The following DNAH14 variants were observed in gnomAD, a reference collection of about 807,000 sequenced individuals.
DNAH14 encodes the protein axonemal beta dynein heavy chain 14.
In DNAH14, 478 loss-of-function variants were observed where a neutral mutation model predicts 520.9. The observed-to-expected ratio is 0.92, with a 90% confidence interval of 0.85 to 0.99. The LOEUF (loss-of-function observed/expected upper bound fraction) is 0.99. Among genes scored for constraint, DNAH14 ranks in the 50% least tolerant of loss-of-function variants. The probability of loss-of-function intolerance (pLI) is 0.00; values close to 1 mark genes in which losing one functional copy is unlikely to be tolerated. For synonymous variants in DNAH14, 1,581 were observed against 1,757.2 expected, an observed-to-expected ratio of 0.90 and a Z score of 2.51; for missense variants, 4,831 against 5,234.5, an observed-to-expected ratio of 0.92 and a Z score of 2.38.
chr1:225,218,316 T>G (rs2089647163), intron 41 of DNAH14, among the ~76,000 whole-genome samples: 1 of 152,136 alleles, frequency 6.6e-6, no homozygotes, highest in African/African-American at 2.4e-5. Flanking sequence ...ATATTAACCT[T>G]AAATGTAAAT....
intron 41 of DNAH14, among the ~76,000 whole-genome samples, chr1:225,216,729 A>G (rs11585828): frequency 0.13 from 19,452 of 152,128 alleles, 1,404 homozygotes; most frequent in East Asian, 0.31. Flanking sequence ...TTCTTGTGCC[A>G]TGGTTTTCAG....
intron 49 of DNAH14, among the ~76,000 whole-genome samples, chr1:225,268,202 A>G (rs1574409198): frequency 6.6e-6 from 1 of 152,170 alleles, no homozygotes; most frequent in Non-Finnish European, 1.5e-5. Flanking sequence ...GTAATCCATC[A>G]TATAAACAGA....
intron 23 of DNAH14, among the ~76,000 whole-genome samples, chr1:225,116,539 T>C (rs2076885950): frequency 6.6e-6 from 1 of 152,146 alleles, no homozygotes; most frequent in Non-Finnish European, 1.5e-5. Flanking sequence ...CTACAGGACA[T>C]TCAAGTGAAC....
At chr1:224,997,132 C>G (rs746431306) in intron 8 of DNAH14, among the ~76,000 whole-genome samples, 1 of 152,102 alleles carries the variant, frequency 6.6e-6, no homozygotes, top group East Asian at 1.9e-4. Flanking sequence ...AGAGCTGCCA[C>G]CAAGATCTGT....
intron 46 of DNAH14, among the ~76,000 whole-genome samples, chr1:225,260,351 CAAA>C (rs1252770479): frequency 9.6e-6 from 1 of 104,554 alleles, no homozygotes; most frequent in Non-Finnish European, 2.1e-5. Flanking sequence ...GACTCCATCT[CAAA>C]AAAAAAAAAA....
chr1:225,189,045 G>A (rs781469737), intron 37 of DNAH14, among the ~76,000 whole-genome samples: 9 of 151,648 alleles, frequency 5.9e-5, no homozygotes, highest in Non-Finnish European at 1.3e-4. Flanking sequence ...TTTTCTGAGC[G>A]TTTTTTACCA....
chr1:225,325,409 C>T (rs1043633645), intron 64 of DNAH14, among the ~76,000 whole-genome samples: 2 of 150,906 alleles, frequency 1.3e-5, no homozygotes, highest in Non-Finnish European at 2.9e-5. Context: ...CTCTTGAACC[C>T]GGGAGAAGGA....
intron 17 of DNAH14, among the ~76,000 whole-genome samples, chr1:225,059,933 G>T (rs1040317603): frequency 7.9e-5 from 12 of 152,230 alleles, no homozygotes; most frequent in South Asian, 2.1e-4. Flanking sequence ...TGGGTAACCC[G>T]ACCTTTCTCT....
Position 225,079,502 on chromosome 1 carries a change from C to A in DNAH14, c.2720C>A (p.Ala907Glu). ...AITKFRDNLEACISGLHVDVG... is the reference protein window; with the variant it reads ...AITKFRDNLEECISGLHVDVG... ...ACTAAATTCAGAGATAACTTGGAAG[C>A]ATGTATCAGTGGTCTACATGTTGAT... The change falls in exon 18 of 86, where the codon GCA (alanine) becomes GAA (glutamate). Residue 907 changes from alanine to glutamate, a missense_variant. Ala to Glu is a moderately radical substitution (Grantham distance 107, BLOSUM62 -1). Coordinates refer to ENST00000682510, the MANE Select transcript of DNAH14 (RefSeq NM_001367479.1). 6.5e-7 allele frequency: 1 copy of A among 1,540,200 alleles called. No individual in the cohort carries two copies.
intron 12 of DNAH14, among the ~76,000 whole-genome samples, chr1:225,040,006 C>A (rs1365974871): frequency 7.3e-6 from 1 of 136,862 alleles, no homozygotes; most frequent in African/African-American, 2.7e-5. Context: ...GGTGTGATCT[C>A]GACTCACTGC....
At chr1:225,245,090 T>C (rs1157424520) in intron 43 of DNAH14, among the ~76,000 whole-genome samples, 1 of 152,208 alleles carries the variant, frequency 6.6e-6, no homozygotes, top group African/African-American at 2.4e-5. Context: ...TATTTCTGCC[T>C]TATTTGATTA....
chr1:225,023,988 A>T, intron 11 of DNAH14, 123 bp downstream of exon 11: 1 of 1,411,846 alleles, frequency 7.1e-7, no homozygotes, highest in Non-Finnish European at 9.2e-7. Flanking sequence ...GGCAGAGTAC[A>T]TGTACTCATT....
chr1:225,185,012 TAAAATAA>T (rs889250936), intron 36 of DNAH14, among the ~76,000 whole-genome samples: 4 of 151,888 alleles, frequency 2.6e-5, no homozygotes, highest in East Asian at 3.9e-4. Flanking sequence ...TACCTGTTAT[TAAAATAA>T]AAAATAAAAA....
chr1:224,943,583 T>C (rs531795557), intron 1 of DNAH14, among the ~76,000 whole-genome samples: 1 of 152,198 alleles, frequency 6.6e-6, no homozygotes, highest in African/African-American at 2.4e-5. Context: ...TTAATTGCGA[T>C]GTTAGGGCGT....
intron 1 of DNAH14, 111 bp downstream of exon 1, chr1:224,929,946 G>C (rs2125310314): frequency 3.7e-6 from 2 of 543,778 alleles, no homozygotes; most frequent in South Asian, 2.4e-5. Flanking sequence ...GGAGGGCCTG[G>C]GCGCTCCCCA....
chr1:224,936,487 T>C (rs997612365), intron 1 of DNAH14, among the ~76,000 whole-genome samples: 2 of 151,892 alleles, frequency 1.3e-5, no homozygotes, highest in Non-Finnish European at 2.9e-5. Context: ...GATAAATCCC[T>C]GGACATATAC....
intron 72 of DNAH14, among the ~76,000 whole-genome samples, chr1:225,353,263 A>T (rs1188841323): frequency 6.6e-6 from 1 of 152,086 alleles, no homozygotes. Context: ...AAAAATTGTA[A>T]TCCAGTAGGA....
chr1:224,994,381 T>A (rs184504381), intron 8 of DNAH14, among the ~76,000 whole-genome samples: 33 of 152,226 alleles, frequency 2.2e-4, no homozygotes, highest in African/African-American at 6.5e-4. Context: ...TATATAGTTA[T>A]GACATATCAT....
intron 17 of DNAH14, among the ~76,000 whole-genome samples, chr1:225,060,622 G>T (rs12073941): frequency 0.053 from 7,989 of 150,670 alleles, 622 homozygotes; most frequent in African/African-American, 0.17. Context: ...TTTCTGCTCT[G>T]TTTTTTCCCT....
Sources: gnomAD v4.1 joint callset for allele counts (sites outside exome capture counted in the v4.1 genomes callset) on GRCh38, gnomAD v4.1.1 for gene constraint, MANE v1.5 for transcripts, NCBI Gene and HGNC (gene_info 2026-07-23, HGNC 2026-07-21) for gene names.